The following CPA6 variants were observed in gnomAD, a reference collection of about 807,000 sequenced individuals.
The protein encoded by CPA6 is carboxypeptidase A6, also known as carboxypeptidase B.
In CPA6, 58 loss-of-function variants were observed where a neutral mutation model predicts 63.3. The observed-to-expected ratio is 0.92, with a 90% confidence interval of 0.74 to 1.14. The LOEUF is 1.14. CPA6 is among the 50% of genes most tolerant of loss of function. CPA6 has a pLI of 0.00. For synonymous variants in CPA6, 185 were observed against 179.0 expected (o/e 1.03, Z -0.27); for missense variants, 565 against 526.6 (o/e 1.07, Z -0.71).
At position 67,517,951 on chromosome 8, in the gene CPA6, A is replaced by G. The variant is rs1249651960; in HGVS notation, c.289T>C (p.Phe97Leu). Residue 97 changes from phenylalanine to leucine, a missense_variant, in exon 3 of 11, where the codon TTC (phenylalanine) becomes CTC (leucine). By Grantham distance (22) the Phe-to-Leu change is conservative (BLOSUM62 0). Transcript: ENST00000297770. ...PQNGSRALLA[F>L]LQEANIQYKV... ...TACTGGATGTTGGCTTCCTGTAAGA[A>G]GGCTAACAGGGCTCGGGAACCATTT... 6 of 1,612,316 alleles carry G rather than the reference A, an allele frequency of 3.7e-6. No individual in the cohort carries two copies. The highest frequency in any genetic ancestry group is 5.1e-6 in the Non-Finnish European group (6 of 1,179,470).
intron 9 of CPA6, among the ~76,000 whole-genome samples, chr8:67,432,040 GCA>G (rs528499521): frequency 2.4e-4 from 36 of 152,288 alleles, no homozygotes; most frequent in African/African-American, 8.2e-4. Context: ...CTGGTTCTTG[GCA>G]CACAGTTTCT....
chr8:67,521,643 T>C (rs958467802), intron 2 of CPA6, among the ~76,000 whole-genome samples: 2 of 152,238 alleles, frequency 1.3e-5, no homozygotes, highest in African/African-American at 4.8e-5. Context: ...CAACTTCGTA[T>C]GGTTAAGATG....
At chr8:67,738,553 G>A (rs1220552734) in intron 1 of CPA6, among the ~76,000 whole-genome samples, 6 of 151,682 alleles carry the variant, frequency 4.0e-5, no homozygotes, top group Non-Finnish European at 7.4e-5. Flanking sequence ...AAAAAATACA[G>A]AACAAAACAA....
intron 1 of CPA6, among the ~76,000 whole-genome samples, chr8:67,708,016 A>G (rs1416481879): frequency 6.6e-6 from 1 of 152,106 alleles, no homozygotes; most frequent in Non-Finnish European, 1.5e-5. Flanking sequence ...AAGGTTTCTG[A>G]CCTGTGACAA....
intron 1 of CPA6, among the ~76,000 whole-genome samples, chr8:67,710,991 C>A (rs1817248603): frequency 6.6e-6 from 1 of 152,098 alleles, no homozygotes; most frequent in South Asian, 2.1e-4. Context: ...TTTCGTAGCC[C>A]AGACCACAGA....
At chr8:67,515,402 G>A (rs1812122744) in intron 3 of CPA6, among the ~76,000 whole-genome samples, 1 of 152,016 alleles carries the variant, frequency 6.6e-6, no homozygotes, top group African/African-American at 2.4e-5. Flanking sequence ...GCCTCTTCAG[G>A]GAACTCTCTT....
intron 2 of CPA6, among the ~76,000 whole-genome samples, chr8:67,537,807 T>G (rs1421950030): frequency 6.6e-6 from 1 of 152,264 alleles, no homozygotes; most frequent in Non-Finnish European, 1.5e-5. Flanking sequence ...CTTTCCCACT[T>G]TCTCTTATGG....
chr8:67,529,408 C>A (rs1172347890), intron 2 of CPA6, among the ~76,000 whole-genome samples: 1 of 152,060 alleles, frequency 6.6e-6, no homozygotes, highest in Non-Finnish European at 1.5e-5. Context: ...CACAGAAGCC[C>A]TACACAGGCT....
chr8:67,551,010 CT>C (rs1462068632), intron 2 of CPA6, among the ~76,000 whole-genome samples: 1 of 152,070 alleles, frequency 6.6e-6, no homozygotes, highest in African/African-American at 2.4e-5. Flanking sequence ...TTGATAGTTT[CT>C]TTTGCTGTGC....
chr8:67,576,268 AT>A (rs1264502575), intron 2 of CPA6, among the ~76,000 whole-genome samples: 4 of 152,230 alleles, frequency 2.6e-5, no homozygotes, highest in Non-Finnish European at 4.4e-5. Flanking sequence ...TATTAAAAAA[AT>A]CCTAGCATAA....
At position 67,484,663 on chromosome 8, in the gene CPA6, A is replaced by T; in HGVS notation, c.747+16T>A. On this transcript the variant is annotated intron_variant, in intron 7 of 10. Transcript: ENST00000297770. The stretch of plus-strand genomic sequence containing the variant: ...TATTTAGTCCTCTTTTCAACTGGGT[A>T]GGCAAAGTGACTTACATTGGTCCAA... 1 of 1,306,400 alleles carries T rather than the reference A, an allele frequency of 7.7e-7. No homozygotes were observed. The highest frequency in any genetic ancestry group is 1.1e-6 in the Non-Finnish European group (1 of 904,418). 80.9% of individuals were successfully genotyped at this position (1,306,400 alleles called of 1,614,324 possible).
intron 8 of CPA6, among the ~76,000 whole-genome samples, chr8:67,435,975 G>GGAGCC (rs1242726950): frequency 6.6e-6 from 1 of 151,414 alleles, no homozygotes; most frequent in Non-Finnish European, 1.5e-5. Context: ...TGGCACAAGG[G>GGAGCC]GAGCCCCAGG....
intron 8 of CPA6, among the ~76,000 whole-genome samples, chr8:67,481,574 C>T (rs1200250898): frequency 6.6e-6 from 1 of 152,192 alleles, no homozygotes; most frequent in African/African-American, 2.4e-5. Context: ...ATGTTCTGCT[C>T]TTTAATTTCA....
Position 67,518,013 on chromosome 8 carries a change from A to G in CPA6, c.227T>C (p.Val76Ala). Residue 76 changes from valine (V) to alanine (A), a missense_variant, in exon 3 of 11, where the codon GTA (valine) becomes GCA (alanine). Coordinates refer to ENST00000297770, the MANE Select transcript of CPA6 (RefSeq NM_020361.5). Reference protein sequence around the residue: ...DLWQPSSISYVSEGTVTDVHI... With the variant: ...DLWQPSSISYASEGTVTDVHI... The stretch of plus-strand genomic sequence containing the variant: ...GACATCAGTAACTGTTCCCTCTGAT[A>G]CATAGGAGATACTGCTGGGCTGCCA... 6.2e-7 allele frequency: 1 copy of G among 1,611,448 alleles called. No individual in the cohort carries two copies. The highest frequency in any genetic ancestry group is 8.5e-7 in the Non-Finnish European group (1 of 1,179,090).
At chr8:67,566,721 G>C (rs1370004460) in intron 2 of CPA6, among the ~76,000 whole-genome samples, 1 of 152,186 alleles carries the variant, frequency 6.6e-6, no homozygotes, top group Non-Finnish European at 1.5e-5. Context: ...CCCTAGATCA[G>C]TATGCCAGTT....
chr8:67,575,643 G>C (rs1813603619), intron 2 of CPA6, among the ~76,000 whole-genome samples: 2 of 152,128 alleles, frequency 1.3e-5, no homozygotes, highest in African/African-American at 4.8e-5. Context: ...GATCACCTGA[G>C]GCCAGGAGTT....
At chr8:67,537,279 C>T (rs1330524802) in intron 2 of CPA6, among the ~76,000 whole-genome samples, 1 of 152,108 alleles carries the variant, frequency 6.6e-6, no homozygotes, top group African/African-American at 2.4e-5. Flanking sequence ...GGTACCAGCT[C>T]CTGTTTGTAT....
At chr8:67,561,262 C>T (rs556069030) in intron 2 of CPA6, among the ~76,000 whole-genome samples, 2 of 152,168 alleles carry the variant, frequency 1.3e-5, no homozygotes, top group South Asian at 2.1e-4. Context: ...AAATGAGGAA[C>T]GGGACAAAAT....
intron 2 of CPA6, among the ~76,000 whole-genome samples, chr8:67,599,475 TG>T (rs951639386): frequency 5.3e-5 from 8 of 152,300 alleles, no homozygotes; most frequent in African/African-American, 1.7e-4. Flanking sequence ...GCCAGAGTCT[TG>T]GTGATTCCCC....
Sources: gnomAD v4.1 joint callset for allele counts (sites outside exome capture counted in the v4.1 genomes callset) on GRCh38, gnomAD v4.1.1 for gene constraint, MANE v1.5 for transcripts, NCBI Gene and HGNC (gene_info 2026-07-23, HGNC 2026-07-21) for gene names.